Variants in SLC25A37 observed in about 807,000 individuals in gnomAD.
SLC25A37 encodes the protein mitoferrin-1.
Under a neutral mutation model 31.0 loss-of-function variants are expected in SLC25A37, and 17 were observed. The ratio of observed to expected loss-of-function variants is 0.55; its 90% confidence interval spans 0.38 to 0.82. The LOEUF (loss-of-function observed/expected upper bound fraction) is 0.82, where lower values mean the gene tolerates loss of function less well. SLC25A37 is among the 40% of genes least tolerant of loss of function. The pLI, the probability that SLC25A37 is intolerant of heterozygous loss-of-function variation, is 0.00. For synonymous variants in SLC25A37, 222 were observed against 193.0 expected, an observed-to-expected ratio of 1.15 and a Z score of -1.24; for missense variants, 404 against 465.8, an observed-to-expected ratio of 0.87 and a Z score of 1.22.
chr8:23,554,440 G>A (rs776336835), intron 1 of SLC25A37, among the ~76,000 whole-genome samples: 7 of 152,132 alleles, frequency 4.6e-5, no homozygotes, highest in Non-Finnish European at 7.4e-5. Flanking sequence ...TTTCTGTCTC[G>A]CAGTGAGGTC....
intron 1 of SLC25A37, among the ~76,000 whole-genome samples, chr8:23,564,494 AGGGAGGAAGGGAAGGGT>A (rs1345970813): frequency 1.8e-5 from 1 of 54,070 alleles, no homozygotes; most frequent in Admixed American, 2.4e-4. Flanking sequence ...GGAGTCGGGG[AGGGAGGAAGGGAAGGGT>A]GGGAGGAAGG....
chr8:23,553,989 A>C (rs980748194), intron 1 of SLC25A37, among the ~76,000 whole-genome samples: 2 of 152,190 alleles, frequency 1.3e-5, no homozygotes, highest in African/African-American at 2.4e-5. Flanking sequence ...GAAACAGAGC[A>C]TATTGGGACA....
rs1022980344 is a variant in SLC25A37 at position 23,574,189 on chromosome 8, T to A, written c.*2334T>A. 1 of 256,320 alleles carries A rather than the reference T, an allele frequency of 3.9e-6. No individual in the cohort carries two copies. The highest frequency in any genetic ancestry group is 8.0e-6 in the Non-Finnish European group (1 of 125,662). The allele number at this position is 256,320 out of a possible 1,614,324, so 15.9% of individuals were successfully genotyped here. On this transcript the variant is annotated 3_prime_UTR_variant, in exon 4 of 4. Transcript: ENST00000519973. ...GCAAGAAGGAGAGGTGAAGGTGGCG[T>A]GTGGTGGCTCATGCCTGTAATCCCA...
intron 1 of SLC25A37, among the ~76,000 whole-genome samples, chr8:23,545,328 C>A (rs1165244631): frequency 6.6e-6 from 1 of 152,208 alleles, no homozygotes; most frequent in Non-Finnish European, 1.5e-5. Flanking sequence ...TTCCTTGTAG[C>A]CTTCCTCTCT....
intron 1 of SLC25A37, among the ~76,000 whole-genome samples, chr8:23,548,598 G>A (rs1354869374): frequency 6.6e-6 from 1 of 150,982 alleles, no homozygotes; most frequent in Non-Finnish European, 1.5e-5. Context: ...AGCCTCCCAA[G>A]TAGCTGGGAT....
rs963620146 is a variant in SLC25A37, at chr8:23,574,607, A to G, written c.*2752A>G. Reference sequence around the variant, plus strand: ...TCAGGAGGTTGAGAAAAGCCTTGAAAGTTGTGAAGCACTGAGCAGATACAA... The same window carrying G: ...TCAGGAGGTTGAGAAAAGCCTTGAAGGTTGTGAAGCACTGAGCAGATACAA... On this transcript the variant is annotated 3_prime_UTR_variant, in exon 4 of 4. Transcript: ENST00000519973. The G allele has an allele frequency of 6.5e-6, 1 of 154,874 alleles. No homozygotes were observed. Among genetic ancestry groups the G allele is most frequent in the Non-Finnish European group, 1.5e-5 (1 of 68,242 alleles). The allele number at this position is 154,874 out of a possible 1,614,324, so 9.6% of individuals were successfully genotyped here.
intron 1 of SLC25A37, chr8:23,541,453 C>G (rs1010234945): frequency 6.6e-6 from 1 of 152,272 alleles, no homozygotes; most frequent in Non-Finnish European, 1.5e-5. Context: ...TGGCCTTTCC[C>G]GTCACTGTTT....
intron 3 of SLC25A37, among the ~76,000 whole-genome samples, chr8:23,569,610 A>C (rs1182373009): frequency 6.6e-6 from 1 of 152,224 alleles, no homozygotes. Flanking sequence ...TGTGTCCATC[A>C]CTGTTCTTCA....
Position 23,529,279 on chromosome 8 carries a change from C to G in SLC25A37, c.210+67C>G, listed in dbSNP as rs1801612614. 4.8e-6 allele frequency: 7 copies of G among 1,465,298 alleles called. No individual in the cohort carries two copies. Among genetic ancestry groups the G allele is most frequent in the Non-Finnish European group, 6.4e-6 (7 of 1,089,704 alleles). The allele number at this position is 1,465,298 out of a possible 1,614,324, so 90.8% of individuals were successfully genotyped here. The stretch of plus-strand genomic sequence containing the variant: ...GGAGCGCGCGCGCGCATTTGCATCC[C>G]GCGCGCCGGCAGCCTCGGGGCAGCG... On this transcript the variant is annotated intron_variant, in intron 1 of 3. Coordinates refer to ENST00000519973, the MANE Select transcript of SLC25A37 (RefSeq NM_016612.4). The surrounding 1 kb of genome is among the most constrained non-coding windows in gnomAD (Gnocchi z 4.1).
chr8:23,530,823 T>C (rs1009206996), intron 1 of SLC25A37, among the ~76,000 whole-genome samples: 2 of 152,146 alleles, frequency 1.3e-5, no homozygotes, highest in African/African-American at 4.8e-5. Flanking sequence ...AGAGCATCAT[T>C]TTAGCTTATT....
Position 23,546,556 on chromosome 8 carries a change from GTATATA to G in SLC25A37, c.210+17365_210+17370del, listed in dbSNP as rs56169952. ...GTATATATATATATATATATATAGT[GTATATA>G]TATATATATATATATATATAGTGTA... is the stretch of plus-strand genomic sequence containing the variant. On this transcript the variant is annotated intron_variant, in intron 1 of 3. Transcript: ENST00000519973. Among the ~76,000 whole-genome samples the G allele has an allele frequency of 5.4e-4, 23 of 42,584 alleles. 1 individual carries two copies. The highest frequency in any genetic ancestry group is 2.9e-3 in the African/African-American group (14 of 4,750). The allele number at this position is 42,584 out of a possible 152,430, so 27.9% of individuals were successfully genotyped here.
chr8:23,556,909 G>T (rs1051890635), intron 1 of SLC25A37, among the ~76,000 whole-genome samples: 1 of 152,162 alleles, frequency 6.6e-6, no homozygotes, highest in African/African-American at 2.4e-5. Context: ...GGAGTGCAAT[G>T]GTGCGATCTT....
chr8:23,571,530 C>T lies in SLC25A37; in HGVS notation c.692C>T (p.Thr231Ile). The T allele has an allele frequency of 3.1e-6, 5 of 1,613,938 alleles. 1 individual carries two copies. The highest frequency in any genetic ancestry group is 4.2e-6 in the Non-Finnish European group (5 of 1,179,862). ...FLQEQVNPHR[T>I]YNPQSHIISG... ...CAGGAGCAGGTCAACCCCCACCGGA[C>T]CTACAACCCGCAGTCCCACATCATC... The change falls in exon 4 of 4, where the codon ACC becomes ATC. Residue 231 changes from threonine (T) to isoleucine (I), a missense_variant. By Grantham distance (89) the Thr-to-Ile change is moderately conservative (BLOSUM62 -1). Coordinates refer to ENST00000519973, the MANE Select transcript of SLC25A37 (RefSeq NM_016612.4).
At position 23,566,307 on chromosome 8, in the gene SLC25A37, A is replaced by G. The variant is rs1252306933; in HGVS notation, c.410A>G (p.His137Arg). 5 of 1,592,992 alleles carry G rather than the reference A, an allele frequency of 3.1e-6. No homozygotes were observed. Among genetic ancestry groups the G allele is most frequent in the Non-Finnish European group, 4.3e-6 (5 of 1,172,608 alleles). Reference sequence around the variant, plus strand: ...AAAAGGACTTTAAATGACGTTTTCCACCACCAAGGAAACAGCCACCTAGCC... The same window carrying G: ...AAAAGGACTTTAAATGACGTTTTCCGCCACCAAGGAAACAGCCACCTAGCC... ...NMKRTLNDVF[H>R]HQGNSHLANG... Residue 137 changes from histidine (H) to arginine (R), a missense_variant, in exon 2 of 4, where the codon CAC becomes CGC. By Grantham distance (29) the His-to-Arg change is conservative (BLOSUM62 0). Coordinates refer to ENST00000519973, the MANE Select transcript of SLC25A37 (RefSeq NM_016612.4).
chr8:23,558,790 C>T (rs576656943), intron 1 of SLC25A37, among the ~76,000 whole-genome samples: 5 of 152,282 alleles, frequency 3.3e-5, no homozygotes, highest in East Asian at 3.9e-4. Context: ...CTTGATTCCC[C>T]GGGCAGGACA....
chr8:23,571,901 A>T lies in SLC25A37; in HGVS notation c.*46A>T, dbSNP rs1211199532. The T allele has an allele frequency of 1.3e-6, 2 of 1,586,144 alleles. No individual in the cohort carries two copies. Among genetic ancestry groups the T allele is most frequent in the Non-Finnish European group, 1.7e-6 (2 of 1,163,346 alleles). On this transcript the variant is annotated 3_prime_UTR_variant, in exon 4 of 4. Transcript: ENST00000519973. The stretch of plus-strand genomic sequence containing the variant: ...TTTCTTAAAGTCATTCTCTGCCTGC[A>T]TCCAGCCCCTTGCCCTCTCCTCACA...
chr8:23,567,507 T>C (rs1802696255), intron 2 of SLC25A37: 1 of 152,974 alleles, frequency 6.5e-6, no homozygotes, highest in African/African-American at 2.4e-5. Flanking sequence ...GTGTATGCTG[T>C]GGTGATCTTG....
At position 23,555,586 on chromosome 8, in the gene SLC25A37, A is replaced by G. The variant is rs370488232; in HGVS notation, c.211-10522A>G. Among the ~76,000 whole-genome samples the G allele has an allele frequency of 2.8e-4, 43 of 152,352 alleles. 1 individual carries two copies. The South Asian group carries it at 2.9e-3, about 10-fold the overall frequency. On this transcript the variant is annotated intron_variant, in intron 1 of 3. Transcript: ENST00000519973. ...TGAGTCTTTTGCCCCTAGCAATAGC[A>G]GTGCTTCCTGAAGCCCCAGTAGACC... is the stretch of plus-strand genomic sequence containing the variant.
At chr8:23,554,214 TTTA>T (rs1238707525) in intron 1 of SLC25A37, among the ~76,000 whole-genome samples, 1 of 152,204 alleles carries the variant, frequency 6.6e-6, no homozygotes. Context: ...TATTGCTGTT[TTTA>T]TTGTTATAAT....
Sources: gnomAD v4.1 joint callset for allele counts (sites outside exome capture counted in the v4.1 genomes callset) on GRCh38, gnomAD v4.1.1 for gene constraint, Gnocchi (gnomAD v3.1) non-coding constraint, MANE v1.5 for transcripts, NCBI Gene and HGNC (gene_info 2026-07-23, HGNC 2026-07-21) for gene names.